The following IL1RAP variants were observed in gnomAD, a reference collection of about 807,000 sequenced individuals.
IL1RAP encodes the protein interleukin-1 receptor accessory protein.
A neutral mutation model predicts 60.7 loss-of-function variants in IL1RAP; 35 were observed. The observed-to-expected ratio is 0.58, with a 90% CI of 0.44 to 0.76. The LOEUF (loss-of-function observed/expected upper bound fraction) is 0.76, where lower values mean the gene tolerates loss of function less well. Among genes scored for constraint, IL1RAP ranks in the 30% least tolerant of loss-of-function variants. The pLI is 0.00. For missense variants in IL1RAP, 572 were observed against 693.9 expected (o/e 0.82, Z 1.97); for synonymous variants, 268 against 250.9 (o/e 1.07, Z -0.64).
intron 3 of IL1RAP, among the ~76,000 whole-genome samples, chr3:190,583,262 C>T (rs1728158534): frequency 5.3e-5 from 8 of 152,200 alleles, no homozygotes; most frequent in Admixed American, 5.2e-4. Flanking sequence ...TTATGTGTAG[C>T]AAAGCCTTTG....
intron 4 of IL1RAP, among the ~76,000 whole-genome samples, chr3:190,608,012 G>A (rs1316913827): frequency 6.6e-6 from 1 of 152,102 alleles, no homozygotes; most frequent in African/African-American, 2.4e-5. Context: ...CCCAAAGGTT[G>A]CTTATACCAT....
intron 3 of IL1RAP, among the ~76,000 whole-genome samples, chr3:190,579,651 T>C (rs1727814384): frequency 6.6e-6 from 1 of 152,164 alleles, no homozygotes; most frequent in African/African-American, 2.4e-5. Context: ...GACACATTAG[T>C]CGTGCTGCCA....
At chr3:190,609,473 TTC>T (rs1205849630) in intron 5 of IL1RAP, among the ~76,000 whole-genome samples, 1 of 152,224 alleles carries the variant, frequency 6.6e-6, no homozygotes, top group African/African-American at 2.4e-5. Context: ...TGCTGCCCAC[TTC>T]TAGTTCCTGC....
intron 7 of IL1RAP, among the ~76,000 whole-genome samples, chr3:190,625,329 A>G (rs563991715): frequency 2.6e-5 from 4 of 152,170 alleles, no homozygotes; most frequent in Non-Finnish European, 5.9e-5. Flanking sequence ...GCAGAGCACA[A>G]TTGGCTAGAA....
intron 1 of IL1RAP, among the ~76,000 whole-genome samples, chr3:190,535,303 A>G (rs1310088279): frequency 2.0e-5 from 3 of 152,206 alleles, no homozygotes; most frequent in African/African-American, 7.2e-5. Context: ...ATGAACGCTT[A>G]CAGAAACCAT....
intron 8 of IL1RAP, among the ~76,000 whole-genome samples, chr3:190,628,028 A>G (rs1227277449): frequency 6.6e-6 from 1 of 152,146 alleles, no homozygotes; most frequent in Non-Finnish European, 1.5e-5. Context: ...TTAACTAAAT[A>G]CGTTTGTGTA....
At position 190,627,342 on chromosome 3, in the gene IL1RAP, C is replaced by T. The variant is rs1462408626; in HGVS notation, c.795C>T (p.Pro265=). The change falls in exon 8 of 12, where the codon CCC becomes CCT. Residue 265 remains proline, a synonymous_variant. Transcript: ENST00000447382. ...TTTCAGGAGAGGAGCTACTCATTCC[C>T]TGTACGGTCTATTTTAGTTTTCTGA... ...EKEPGEELLI[P]CTVYFSFLMD... is the part of the protein sequence containing the mutation. 6.2e-7 allele frequency: 1 copy of T among 1,609,162 alleles called. No individual in the cohort carries two copies. Among genetic ancestry groups the T allele is most frequent in the Admixed American group, 1.7e-5 (1 of 59,522 alleles).
At chr3:190,570,102 A>G (rs1159869167) in intron 3 of IL1RAP, among the ~76,000 whole-genome samples, 1 of 152,236 alleles carries the variant, frequency 6.6e-6, no homozygotes, top group Non-Finnish European at 1.5e-5. Flanking sequence ...CAGGATAACA[A>G]CACAATGATT....
At position 190,650,730 on chromosome 3, in the gene IL1RAP, T is replaced by C; in HGVS notation, c.*2025T>C. On this transcript the variant is annotated 3_prime_UTR_variant, in exon 12 of 12. Coordinates refer to ENST00000447382, the MANE Select transcript of IL1RAP (RefSeq NM_002182.4). ...TACTTTTTTTTAGCCTTATTAATAT[T>C]TTTCCCTATTAGAAACCACAATTAC... 1.0e-6 allele frequency: 1 copy of C among 982,312 alleles called. No individual in the cohort carries two copies. Among genetic ancestry groups the C allele is most frequent in the Non-Finnish European group, 1.2e-6 (1 of 827,090 alleles). 60.8% of individuals were successfully genotyped at this position (982,312 alleles called of 1,614,324 possible).
intron 11 of IL1RAP, among the ~76,000 whole-genome samples, chr3:190,646,833 C>A (rs1200894734): frequency 6.6e-6 from 1 of 152,040 alleles, no homozygotes; most frequent in Non-Finnish European, 1.5e-5. Flanking sequence ...TTTATCTTCC[C>A]AATCATCAAC....
downstream of IL1RAP, chr3:190,656,195 C>T (rs1488609990): frequency 2.0e-6 from 3 of 1,537,128 alleles, no homozygotes; most frequent in African/African-American, 2.7e-5. Flanking sequence ...AGTCTGAGTG[C>T]CAGTTCTGGC....
In IL1RAP at chr3:190,650,943, C is replaced by T. The variant is rs548636583; in HGVS notation, c.*2238C>T. 1.6e-5 allele frequency: 16 copies of T among 985,102 alleles called. No individual in the cohort carries two copies. In the South Asian group the frequency reaches 6.6e-4, roughly 40 times the overall value. 61.0% of individuals were successfully genotyped at this position (985,102 alleles called of 1,614,324 possible). On this transcript the variant is annotated 3_prime_UTR_variant, in exon 12 of 12. Coordinates refer to ENST00000447382, the MANE Select transcript of IL1RAP (RefSeq NM_002182.4). ...TATTTATCCCAAATGCTGTTGGGCA[C>T]CCCTAGAAATACCTTGATGTTTTTT...
In IL1RAP at chr3:190,522,336, TC is replaced by T. The variant is rs1396402548; in HGVS notation, c.-89+8119del. ...TTCCTTCCTTCCTTCCTTCCTTCCT[TC>T]CTTCCTCCCTCCCTCCCTTCGTTCC... On this transcript the variant is annotated intron_variant, in intron 1 of 11. Coordinates refer to ENST00000447382, the MANE Select transcript of IL1RAP (RefSeq NM_002182.4). Among the ~76,000 whole-genome samples the T allele has an allele frequency of 4.6e-3, 642 of 138,256 alleles. 4 individuals carry two copies. The highest frequency in any genetic ancestry group is 0.018 in the African/African-American group (621 of 33,686). 90.7% of individuals were successfully genotyped at this position (138,256 alleles called of 152,430 possible). A position where few individuals can be genotyped will look rare whatever the true frequency, so the allele number is the denominator to read the frequency against.
chr3:190,601,520 C>T (rs986920128), intron 3 of IL1RAP, among the ~76,000 whole-genome samples: 6 of 152,124 alleles, frequency 3.9e-5, no homozygotes, highest in African/African-American at 1.2e-4. Context: ...TAAATTTCCC[C>T]GAGCTTTATT....
At chr3:190,604,024 G>C in intron 3 of IL1RAP, 104 bp from the exon 4 acceptor site, 3 of 1,135,022 alleles carry the variant, frequency 2.6e-6, no homozygotes, top group Non-Finnish European at 3.7e-6. Context: ...CAGAGAAAGA[G>C]GTTCTGGAAA....
chr3:190,602,215 T>C (rs1729925502), intron 3 of IL1RAP, among the ~76,000 whole-genome samples: 1 of 152,148 alleles, frequency 6.6e-6, no homozygotes, highest in African/African-American at 2.4e-5. Context: ...ATTTAAAGAA[T>C]TGAGTGACCT....
chr3:190,522,833 A>G (rs1350326525), intron 1 of IL1RAP, among the ~76,000 whole-genome samples: 1 of 152,178 alleles, frequency 6.6e-6, no homozygotes, highest in Admixed American at 6.5e-5. Context: ...TGAAATGAGC[A>G]GATATCTAGG....
chr3:190,630,830 A>C (rs1732729085), intron 9 of IL1RAP, among the ~76,000 whole-genome samples: 1 of 152,216 alleles, frequency 6.6e-6, no homozygotes, highest in Non-Finnish European at 1.5e-5. Context: ...AACTCTGTGA[A>C]AAGTAAATCT....
intron 1 of IL1RAP, among the ~76,000 whole-genome samples, chr3:190,553,720 C>G (rs1210003676): frequency 6.6e-6 from 1 of 152,152 alleles, no homozygotes. Context: ...GTGGTGGGGG[C>G]ACAGTTTCCT....
Sources: gnomAD v4.1 joint callset for allele counts (sites outside exome capture counted in the v4.1 genomes callset) on GRCh38, gnomAD v4.1.1 for gene constraint, MANE v1.5 for transcripts, NCBI Gene and HGNC (gene_info 2026-07-23, HGNC 2026-07-21) for gene names.